The following PIGN variants were observed in gnomAD, a reference collection of about 807,000 sequenced individuals.
PIGN encodes the protein phosphatidylinositol glycan anchor biosynthesis class N, also known as GPI ethanolamine phosphate transferase 1.
A neutral mutation model predicts 125.4 loss-of-function variants in PIGN; 117 were observed. The ratio of observed to expected loss-of-function variants is 0.93; its 90% CI spans 0.80 to 1.09. The LOEUF is 1.09. Ranked by LOEUF, PIGN falls within the 50% of genes least tolerant of loss-of-function variation. The pLI is 0.00. For missense variants in PIGN, 1,075 were observed against 1,094.9 expected (o/e 0.98, Z 0.26); for synonymous variants, 392 against 377.8 (o/e 1.04, Z -0.44).
chr18:62,030,957 G>A (rs1442543487), intron 23 of PIGN, among the ~76,000 whole-genome samples: 2 of 152,126 alleles, frequency 1.3e-5, no homozygotes, highest in South Asian at 2.1e-4. Context: ...ACAGCCTGGG[G>A]AACACAGTGA....
At chr18:62,086,401 G>A (rs958088561) in intron 25 of PIGN, among the ~76,000 whole-genome samples, 5 of 151,854 alleles carry the variant, frequency 3.3e-5, no homozygotes, top group Admixed American at 6.6e-5. Flanking sequence ...GGCAGACCAC[G>A]GGGTCAAGAG....
At chr18:62,098,745 G>C (rs879863333) in intron 22 of PIGN, among the ~76,000 whole-genome samples, 1 of 152,100 alleles carries the variant, frequency 6.6e-6, no homozygotes, top group Non-Finnish European at 1.5e-5. Flanking sequence ...CATTTTGTAG[G>C]TATCCTCTAG....
chr18:62,033,679 T>C (rs1444163489), intron 23 of PIGN, among the ~76,000 whole-genome samples: 2 of 152,226 alleles, frequency 1.3e-5, no homozygotes, highest in African/African-American at 4.8e-5. Flanking sequence ...TCAGTTTTCC[T>C]GAGCTTTCTC....
intron 30 of PIGN, among the ~76,000 whole-genome samples, chr18:62,049,965 C>T (rs1315003551): frequency 6.7e-6 from 1 of 150,066 alleles, no homozygotes; most frequent in African/African-American, 2.4e-5. Flanking sequence ...GAATCCTTTC[C>T]CCATTGCTTG....
rs1355691128 is a variant in PIGN at position 62,041,640 on chromosome 18, G to GGGGGT, written c.*4215_*4216insACCCC. ...ATTACAGGAGCCTACCACCCCGCCG[G>GGGGGT]GTGTGTGTGTGTGTGTGTGTGTGTG... is the stretch of plus-strand genomic sequence containing the variant. On this transcript the variant is annotated 3_prime_UTR_variant, in exon 31 of 31. Transcript: ENST00000640252. 2.6e-5 allele frequency: 2 copies of GGGGGT among 77,472 alleles called. No individual in the cohort carries two copies. Among genetic ancestry groups the GGGGGT allele is most frequent in the Admixed American group, 3.0e-4 (2 of 6,746 alleles). The allele number at this position is 77,472 out of a possible 1,614,324, so 4.8% of individuals were successfully genotyped here.
chr18:62,035,167 C>T (rs2030243151), intron 23 of PIGN, among the ~76,000 whole-genome samples: 1 of 152,140 alleles, frequency 6.6e-6, no homozygotes, highest in South Asian at 2.1e-4. Flanking sequence ...ATTCACCTTC[C>T]ACCATGATTG....
chr18:62,138,903 A>G, intron 13 of PIGN, 80 bp downstream of exon 13: 1 of 713,732 alleles, frequency 1.4e-6, no homozygotes, highest in Admixed American at 2.8e-5. Flanking sequence ...ACAAAATCAA[A>G]TATTTTCCCT....
chr18:62,035,564 A>T (rs1424467227), intron 23 of PIGN, among the ~76,000 whole-genome samples: 2 of 152,160 alleles, frequency 1.3e-5, no homozygotes, highest in Non-Finnish European at 2.9e-5. Flanking sequence ...TCTAGGGTAC[A>T]TGTGCACAAC....
At chr18:62,065,104 C>T (rs2032428379) in intron 30 of PIGN, among the ~76,000 whole-genome samples, 2 of 152,154 alleles carry the variant, frequency 1.3e-5, no homozygotes, top group Non-Finnish European at 2.9e-5. Flanking sequence ...AAGGCGTTTT[C>T]TTTTTCTTTC....
At chr18:62,102,337 C>T (rs189697111) in intron 21 of PIGN, among the ~76,000 whole-genome samples, 3 of 148,484 alleles carry the variant, frequency 2.0e-5, no homozygotes, top group East Asian at 4.0e-4. Context: ...TTTGAAACAT[C>T]AAGTTCAAAG....
chr18:62,119,831 G>A (rs2035229904), intron 14 of PIGN, among the ~76,000 whole-genome samples: 4 of 139,112 alleles, frequency 2.9e-5, no homozygotes, highest in Non-Finnish European at 4.6e-5. Flanking sequence ...GCAACAGAGT[G>A]AGACTCTGTC....
chr18:62,096,527 T>C (rs201726694), intron 22 of PIGN, among the ~76,000 whole-genome samples: 3,362 of 137,864 alleles, frequency 0.024, 53 homozygotes, highest in Middle Eastern at 0.085. Context: ...TTTTTTTTTT[T>C]TTTTTTTTTT....
At chr18:62,079,448 T>C (rs1403750580) in intron 28 of PIGN, among the ~76,000 whole-genome samples, 3 of 152,172 alleles carry the variant, frequency 2.0e-5, no homozygotes, top group Admixed American at 2.0e-4. Flanking sequence ...AAACTGAAAA[T>C]GGCTAATGCC....
At chr18:62,108,262 A>C (rs1015695801) in intron 17 of PIGN, among the ~76,000 whole-genome samples, 2 of 152,182 alleles carry the variant, frequency 1.3e-5, no homozygotes, top group Admixed American at 6.5e-5. Flanking sequence ...ACAATCTATC[A>C]AAAAGATAAA....
chr18:62,170,688 A>C (rs560906552), intron 1 of PIGN, among the ~76,000 whole-genome samples: 1 of 152,312 alleles, frequency 6.6e-6, no homozygotes, highest in South Asian at 2.1e-4. Context: ...TCTCATTTTA[A>C]CTCAAAAGTT....
intron 6 of PIGN, among the ~76,000 whole-genome samples, chr18:62,156,817 T>C (rs1164421228): frequency 1.3e-5 from 2 of 152,192 alleles, no homozygotes; most frequent in Non-Finnish European, 2.9e-5. Flanking sequence ...TATTATCACA[T>C]TTTATGAAAA....
intron 1 of PIGN, among the ~76,000 whole-genome samples, chr18:62,169,089 C>T (rs1403480673): frequency 6.6e-6 from 1 of 152,108 alleles, no homozygotes; most frequent in Non-Finnish European, 1.5e-5. Context: ...CTCCTGGCTT[C>T]AAGTGATCTG....
intron 22 of PIGN, among the ~76,000 whole-genome samples, chr18:62,099,147 A>T (rs2034334215): frequency 6.6e-6 from 1 of 152,068 alleles, no homozygotes; most frequent in South Asian, 2.1e-4. Context: ...AAGAAAAAAA[A>T]TTGTCGAATT....
At chr18:62,049,448 G>T (rs1279709669) in intron 30 of PIGN, among the ~76,000 whole-genome samples, 2 of 151,628 alleles carry the variant, frequency 1.3e-5, no homozygotes, top group Admixed American at 6.6e-5. Flanking sequence ...TTTCTCTGAT[G>T]GCCAGTGATG....
Sources: gnomAD v4.1 joint callset for allele counts (sites outside exome capture counted in the v4.1 genomes callset) on GRCh38, gnomAD v4.1.1 for gene constraint, MANE v1.5 for transcripts, NCBI Gene and HGNC (gene_info 2026-07-23, HGNC 2026-07-21) for gene names.